SMAD2: variants seen among roughly 807,000 people sequenced by gnomAD.
SMAD2 encodes the protein MAD homolog 2.
A neutral mutation model predicts 64.4 loss-of-function variants in SMAD2; 8 were observed. The ratio of observed to expected loss-of-function variants is 0.12; its 90% CI spans 0.07 to 0.22. SMAD2 has a LOEUF of 0.22. SMAD2 is among the 10% of genes least tolerant of loss of function. SMAD2 has a pLI of 1.00. For synonymous variants in SMAD2, 203 were observed against 195.8 expected, an observed-to-expected ratio of 1.04 and a Z score of -0.31; for missense variants, 289 against 561.2, an observed-to-expected ratio of 0.51 and a Z score of 4.90.
intron 6 of SMAD2, among the ~76,000 whole-genome samples, chr18:47,861,566 A>G (rs1341798646): frequency 1.3e-5 from 2 of 152,236 alleles, no homozygotes; most frequent in Non-Finnish European, 2.9e-5. Context: ...TTATCTAATG[A>G]AAGACATGCT....
intron 2 of SMAD2, among the ~76,000 whole-genome samples, chr18:47,875,499 A>C (rs2032212096): frequency 6.6e-6 from 1 of 152,192 alleles, no homozygotes; most frequent in South Asian, 2.1e-4. Flanking sequence ...TGTTAATAAA[A>C]AGTGTAAGTT....
chr18:47,838,152 T>G lies in SMAD2; in HGVS notation c.*3675A>C, dbSNP rs115263211. Reference sequence around the variant, plus strand: ...GTTTGTTTTACCTTCAAAGTCTTAGTCTTAAATTGACAAGGGCACAAAAAA... The same window carrying G: ...GTTTGTTTTACCTTCAAAGTCTTAGGCTTAAATTGACAAGGGCACAAAAAA... On this transcript the variant is annotated 3_prime_UTR_variant, in exon 11 of 11. Transcript: ENST00000262160. 5.0e-3 allele frequency: 1,166 copies of G among 232,994 alleles called. 12 individuals are homozygous for G. Among genetic ancestry groups the G allele is most frequent in the African/African-American group, 0.024 (1,069 of 45,404 alleles). 14.4% of individuals were successfully genotyped at this position (232,994 alleles called of 1,614,324 possible).
intron 6 of SMAD2, 117 bp from the exon 7 acceptor site, chr18:47,851,444 A>G (rs2030064498): frequency 3.3e-6 from 2 of 611,302 alleles, no homozygotes; most frequent in Admixed American, 4.7e-5. Context: ...TAATTTAAAT[A>G]CCAAGAATTC....
At position 47,841,661 on chromosome 18, in the gene SMAD2, C is replaced by G. The variant is rs555003254; in HGVS notation, c.*166G>C. The G allele has an allele frequency of 2.6e-4, 182 of 706,306 alleles. No individual in the cohort carries two copies. The highest frequency in any genetic ancestry group is 3.7e-4 in the Non-Finnish European group (151 of 408,526). 43.8% of individuals were successfully genotyped at this position (706,306 alleles called of 1,614,324 possible). On this transcript the variant is annotated 3_prime_UTR_variant, in exon 11 of 11. Coordinates refer to ENST00000262160, the MANE Select transcript of SMAD2 (RefSeq NM_005901.6). ...GACACTAATTTTCCCATCTAATATT[C>G]AAATATAGGAAACAGATTCCACAAG...
Position 47,930,564 on chromosome 18 carries a change from G to A in SMAD2, c.-257C>T, listed in dbSNP as rs1178026679. 95 of 149,556 alleles carry A rather than the reference G, an allele frequency of 6.4e-4. No individual in the cohort carries two copies. Among genetic ancestry groups the A allele is most frequent in the African/African-American group, 2.1e-3 (87 of 40,984 alleles). 9.3% of individuals were successfully genotyped at this position (149,556 alleles called of 1,614,324 possible). Reference sequence around the variant, plus strand: ...GCCGGCGGCCCGGGCGCGCGGGAGGGTAGGGGAAGAGAGGGGAGGGGAGGG... The same window carrying A: ...GCCGGCGGCCCGGGCGCGCGGGAGGATAGGGGAAGAGAGGGGAGGGGAGGG... On this transcript the variant is annotated 5_prime_UTR_variant, in exon 1 of 11. Transcript: ENST00000262160.
At chr18:47,896,005 G>T (rs769384616) in intron 2 of SMAD2, among the ~76,000 whole-genome samples, 22 of 152,124 alleles carry the variant, frequency 1.4e-4, no homozygotes, top group Non-Finnish European at 2.9e-4. Flanking sequence ...AAAGTAACAG[G>T]TCCTCCTAAC....
In SMAD2 at chr18:47,868,447, T is replaced by C. The variant is rs1184461274; in HGVS notation, c.531A>G (p.Pro177=). 1.5e-5 allele frequency: 24 copies of C among 1,600,322 alleles called. No homozygotes were observed. The highest frequency in any genetic ancestry group is 2.0e-5 in the Non-Finnish European group (23 of 1,174,264). The change falls in exon 5 of 11, where the codon CCA becomes CCG. Residue 177 remains proline (P), a synonymous_variant. Transcript: ENST00000262160. ...YQRVETPVLP[P]VLVPRHTEIL... Reference sequence around the variant, plus strand: ...TCTCGGTGTGTCGGGGCACTAATACTGGAGGCAAAACTGAAAAAGTTCAAG... The same window carrying C: ...TCTCGGTGTGTCGGGGCACTAATACCGGAGGCAAAACTGAAAAAGTTCAAG...
At chr18:47,858,047 A>G (rs980664873) in intron 6 of SMAD2, among the ~76,000 whole-genome samples, 2 of 152,186 alleles carry the variant, frequency 1.3e-5, no homozygotes, top group African/African-American at 4.8e-5. Context: ...CAAATAGAGA[A>G]AAGAGTTGGT....
Position 47,896,772 on chromosome 18 carries a change from A to T in SMAD2, c.-16T>A. The T allele has an allele frequency of 6.2e-7, 1 of 1,612,268 alleles. No homozygotes were observed. Among genetic ancestry groups the T allele is most frequent in the Admixed American group, 1.7e-5 (1 of 59,742 alleles). On this transcript the variant is annotated 5_prime_UTR_variant, in exon 2 of 11. Transcript: ENST00000262160. ...TGGACGACATGTTCTTACCAAAGGC[A>T]GCAAGCCACGCTAGGAAAACAGCCT...
At chr18:47,856,173 A>G (rs1042606941) in intron 6 of SMAD2, among the ~76,000 whole-genome samples, 3 of 151,988 alleles carry the variant, frequency 2.0e-5, no homozygotes, top group African/African-American at 7.2e-5. Context: ...ACATAGAAAC[A>G]TAATAAAATG....
At chr18:47,904,553 GACA>G (rs1234630860) in intron 1 of SMAD2, among the ~76,000 whole-genome samples, 3 of 151,964 alleles carry the variant, frequency 2.0e-5, no homozygotes, top group South Asian at 4.2e-4. Flanking sequence ...CTGAAAAAGG[GACA>G]ACAAGCCGGC....
At chr18:47,895,560 C>T (rs1005105170) in intron 2 of SMAD2, 2 of 152,172 alleles carry the variant, frequency 1.3e-5, no homozygotes, top group African/African-American at 4.8e-5. Context: ...TTCTACATAG[C>T]AAACACTCAA....
At chr18:47,892,170 C>T (rs1274611027) in intron 2 of SMAD2, among the ~76,000 whole-genome samples, 1 of 151,352 alleles carries the variant, frequency 6.6e-6, no homozygotes, top group East Asian at 1.9e-4. Flanking sequence ...TTGAGTCATC[C>T]TTGAATGACA....
rs928178121 is a variant in SMAD2, at chr18:47,921,771, T to G, written c.-54+8590A>C. Among the ~76,000 whole-genome samples, 3 of 152,346 alleles carry G rather than the reference T, an allele frequency of 2.0e-5. No individual in the cohort carries two copies. The South Asian group carries it at 6.2e-4, about 32-fold the overall frequency. On this transcript the variant is annotated intron_variant, in intron 1 of 10. Transcript: ENST00000262160. ...CCCCAAGGCCACACTTCCCTTAAAG[T>G]TGACTGATTTTTCTAAGTTTCTAGT...
chr18:47,834,629 GGAAGTCCA>G lies in SMAD2; in HGVS notation c.*7190_*7197del, dbSNP rs1913239258. 1 of 124,328 alleles carries G rather than the reference GGAAGTCCA, an allele frequency of 8.0e-6. No homozygotes were observed. Among genetic ancestry groups the G allele is most frequent in the Non-Finnish European group, 1.4e-5 (1 of 70,246 alleles). 7.7% of individuals were successfully genotyped at this position (124,328 alleles called of 1,614,324 possible). A position where few individuals can be genotyped will look rare whatever the true frequency, so the allele number is the denominator to read the frequency against. ...TTCCTCTAAGCTTGCTAAAAGGCTA[GGAAGTCCA>G]GAAATACCTTAAACGTGTTAACTTT... On this transcript the variant is annotated 3_prime_UTR_variant, in exon 11 of 11. Coordinates refer to ENST00000262160, the MANE Select transcript of SMAD2 (RefSeq NM_005901.6).
chr18:47,919,467 AATACAC>A (rs1568116749), intron 1 of SMAD2, among the ~76,000 whole-genome samples: 1 of 87,116 alleles, frequency 1.1e-5, no homozygotes, highest in African/African-American at 4.9e-5. Flanking sequence ...CAAAAAAAAA[AATACAC>A]ACACACACAC....
intron 1 of SMAD2, among the ~76,000 whole-genome samples, chr18:47,928,317 T>C (rs1396631801): frequency 1.3e-5 from 2 of 152,146 alleles, no homozygotes; most frequent in Non-Finnish European, 2.9e-5. Flanking sequence ...TTGCAAAATG[T>C]AAAAATTCAA....
At chr18:47,926,172 C>T (rs1411870771) in intron 1 of SMAD2, among the ~76,000 whole-genome samples, 1 of 152,172 alleles carries the variant, frequency 6.6e-6, no homozygotes, top group Non-Finnish European at 1.5e-5. Flanking sequence ...TGAAAAACAT[C>T]TTGGTCATAA....
At chr18:47,920,289 C>A (rs1347580638) in intron 1 of SMAD2, 1 of 152,220 alleles carries the variant, frequency 6.6e-6, no homozygotes, top group Admixed American at 6.5e-5. Context: ...CTGATGCCAT[C>A]ACAGCGGGAA....
Sources: gnomAD v4.1 joint callset for allele counts (sites outside exome capture counted in the v4.1 genomes callset) on GRCh38, gnomAD v4.1.1 for gene constraint, MANE v1.5 for transcripts, NCBI Gene and HGNC (gene_info 2026-07-23, HGNC 2026-07-21) for gene names.